Variants in BAHCC1 observed in about 807,000 individuals in gnomAD.
BAHCC1 encodes BAH and coiled-coil domain-containing protein 1.
Under a neutral mutation model 88.2 loss-of-function variants are expected in BAHCC1, and 43 were observed. The ratio of observed to expected loss-of-function variants is 0.49; its 90% CI spans 0.38 to 0.63. The LOEUF is 0.63. Ranked by LOEUF, BAHCC1 falls within the 20% of genes least tolerant of loss-of-function variation. The probability of loss-of-function intolerance (pLI) is 0.00; values close to 1 mark genes in which losing one functional copy is unlikely to be tolerated. For missense variants in BAHCC1, 3,023 were observed against 1,654.8 expected (o/e 1.83, Z -14.34); for synonymous variants, 1,510 against 745.5 (o/e 2.03, Z -16.71).
chr17:81,418,735 G>GTC (rs1555649074), intron 2 of BAHCC1, among the ~76,000 whole-genome samples: 4 of 152,004 alleles, frequency 2.6e-5, no homozygotes. Context: ...GTCTGCCAAG[G>GTC]TGCGCACACC....
At chr17:81,396,916 C>G (rs1481601694) in intron 1 of BAHCC1, 1 of 152,254 alleles carries the variant, frequency 6.6e-6, no homozygotes, top group Admixed American at 6.5e-5. Flanking sequence ...CCCGACCTGG[C>G]GCTGCGGCGC....
Position 81,447,300 on chromosome 17 carries a change from G to A in BAHCC1, c.3428G>A (p.Gly1143Glu), listed in dbSNP as rs1555654763. 1 of 737,748 alleles carries A rather than the reference G, an allele frequency of 1.4e-6. No homozygotes were observed. Among genetic ancestry groups the A allele is most frequent in the Non-Finnish European group, 2.5e-6 (1 of 398,972 alleles). 45.7% of individuals were successfully genotyped at this position (737,748 alleles called of 1,614,324 possible). The change falls in exon 11 of 28, where the codon GGG (glycine) becomes GAG (glutamate). Residue 1143 changes from glycine to glutamate, a missense_variant. By Grantham distance (98) the Gly-to-Glu change is moderately conservative. Coordinates refer to ENST00000675386, the MANE Select transcript of BAHCC1 (RefSeq NM_001377448.1). The stretch of plus-strand genomic sequence containing the variant: ...TACCCTACCGAGCGGGGACCCCAGG[G>A]GAAGGCAGCGGACCCCAGCCCACTA... ...TPYPTERGPQ[G>E]KAADPSPLEG...
Position 81,426,914 on chromosome 17 carries a change from CT to C in BAHCC1, c.294del (p.Glu99SerfsTer39), listed in dbSNP as rs1331438212. On this transcript the variant is annotated frameshift_variant, in exon 3 of 28. Coordinates refer to ENST00000675386, the MANE Select transcript of BAHCC1 (RefSeq NM_001377448.1). LOFTEE classifies it high-confidence loss of function. ...THPSGPSSSP[P>X]EQAYRGSHPT... ...CCCAGCGGCCCCAGCTCCTCCCCCC[CT>C]GAGCAGGCCTACCGTGGCTCCCACC... 1 of 398,846 alleles carries C rather than the reference CT, an allele frequency of 2.5e-6. No homozygotes were observed. Among genetic ancestry groups the C allele is most frequent in the Non-Finnish European group, 4.4e-6 (1 of 226,350 alleles). 24.7% of individuals were successfully genotyped at this position (398,846 alleles called of 1,614,324 possible).
intron 2 of BAHCC1, among the ~76,000 whole-genome samples, chr17:81,419,629 G>A (rs1246464412): frequency 1.3e-5 from 2 of 149,738 alleles, no homozygotes; most frequent in Non-Finnish European, 3.0e-5. Context: ...GGTGTGGGTC[G>A]GGGGTGGGAG....
chr17:81,412,188 G>C lies in BAHCC1; in HGVS notation c.178+12271G>C, dbSNP rs113755978. Among the ~76,000 whole-genome samples, 91 of 152,344 alleles carry C rather than the reference G, an allele frequency of 6.0e-4. No individual in the cohort carries two copies. In the Middle Eastern group the frequency reaches 0.024, roughly 40 times the overall value. ...GCTACCCCATCCGGCCAGCCCTGCC[G>C]TGGGCCCTGGTCACTCCAGGCCAGC... On this transcript the variant is annotated intron_variant, in intron 2 of 27. Transcript: ENST00000675386.
chr17:81,450,005 C>CGT (rs1351716576), intron 11 of BAHCC1, among the ~76,000 whole-genome samples: 1 of 152,140 alleles, frequency 6.6e-6, no homozygotes, highest in Non-Finnish European at 1.5e-5. Flanking sequence ...TTTGTCCCAT[C>CGT]GTGGATGGGG....
In BAHCC1 at chr17:81,434,352, G is replaced by A. The variant is rs184736093; in HGVS notation, c.359-4018G>A. On this transcript the variant is annotated intron_variant, in intron 3 of 27. Coordinates refer to ENST00000675386, the MANE Select transcript of BAHCC1 (RefSeq NM_001377448.1). The surrounding 1 kb of genome is among the most constrained non-coding windows in gnomAD (Gnocchi z 4.9). ...GAGGTGGTACTGCAGTGGGAGACAG[G>A]TCGAGGCTCAGCCGTGGGAGGCCAG... 1.3e-5 allele frequency among the ~76,000 whole-genome samples: 2 copies of A among 152,334 alleles called. No individual in the cohort carries two copies. The highest frequency in any genetic ancestry group is 2.4e-5 in the African/African-American group (1 of 41,582).
intron 14 of BAHCC1, among the ~76,000 whole-genome samples, chr17:81,454,054 T>C (rs2143603836): frequency 6.6e-6 from 1 of 152,330 alleles, no homozygotes; most frequent in Admixed American, 6.5e-5. Flanking sequence ...TTCATTTTCA[T>C]GAGCAGCTGG....
intron 2 of BAHCC1, among the ~76,000 whole-genome samples, chr17:81,424,830 ATGATGTGGTTGGTGACAGG>A (rs1395800790): frequency 3.5e-5 from 5 of 144,470 alleles, no homozygotes; most frequent in Non-Finnish European, 1.5e-5. Context: ...GTTGGTGATG[ATGATGTGGTTGGTGACAGG>A]TGATGTGGTT....
rs1598506056 is a variant in BAHCC1, at chr17:81,455,259, G to T, written c.4446-8G>T. On this transcript the variant is annotated splice_region_variant and splice_polypyrimidine_tract_variant and intron_variant, in intron 14 of 27. Transcript: ENST00000675386. ...ATCTGCCCTGCACCCACCACCCCAT[G>T]CCCCCAGGGCGGTGCGGACAAGCCT... 1.4e-6 allele frequency: 1 copy of T among 714,110 alleles called. No individual in the cohort carries two copies. Among genetic ancestry groups the T allele is most frequent in the Non-Finnish European group, 2.6e-6 (1 of 384,812 alleles). The allele number at this position is 714,110 out of a possible 1,614,324, so 44.2% of individuals were successfully genotyped here.
intron 2 of BAHCC1, among the ~76,000 whole-genome samples, chr17:81,422,469 A>G (rs1424548161): frequency 6.6e-6 from 1 of 152,252 alleles, no homozygotes; most frequent in Non-Finnish European, 1.5e-5. Flanking sequence ...GACTCTGGGC[A>G]CAGACAGCAC....
rs2030131703 is a variant in BAHCC1 at position 81,460,272 on chromosome 17, C to T, written c.5906-5C>T. The T allele has an allele frequency of 1.3e-6, 1 of 763,414 alleles. No individual in the cohort carries two copies. The highest frequency in any genetic ancestry group is 2.4e-6 in the Non-Finnish European group (1 of 410,284). 47.3% of individuals were successfully genotyped at this position (763,414 alleles called of 1,614,324 possible). A position where few individuals can be genotyped will look rare whatever the true frequency, so the allele number is the denominator to read the frequency against. On this transcript the variant is annotated splice_region_variant and splice_polypyrimidine_tract_variant and intron_variant, in intron 23 of 27. Coordinates refer to ENST00000675386, the MANE Select transcript of BAHCC1 (RefSeq NM_001377448.1). Reference sequence around the variant, plus strand: ...CAGCTGCAAGCTCAGGTGTGCCGTCCACAGGGGCCTCCGGTGACGAAGATG... The same window carrying T: ...CAGCTGCAAGCTCAGGTGTGCCGTCTACAGGGGCCTCCGGTGACGAAGATG...
intron 2 of BAHCC1, among the ~76,000 whole-genome samples, chr17:81,417,544 G>C (rs979963646): frequency 8.9e-6 from 1 of 112,164 alleles, no homozygotes; most frequent in Non-Finnish European, 1.7e-5. Flanking sequence ...ACGCCATGGG[G>C]AGCGTCGGCC....
chr17:81,451,452 G>T (rs1401913799), intron 11 of BAHCC1, among the ~76,000 whole-genome samples: 1 of 152,176 alleles, frequency 6.6e-6, no homozygotes, highest in East Asian at 1.9e-4. Context: ...CTCCCAGCTG[G>T]CCCTGCCTTA....
intron 3 of BAHCC1, among the ~76,000 whole-genome samples, chr17:81,431,631 G>A (rs1413949688): frequency 1.4e-4 from 22 of 152,196 alleles, no homozygotes; most frequent in African/African-American, 5.3e-4. Context: ...CTTGAGGTTG[G>A]GCAGGATGAC....
chr17:81,440,875 G>A (rs535214404), intron 4 of BAHCC1, among the ~76,000 whole-genome samples: 3 of 152,300 alleles, frequency 2.0e-5, no homozygotes, highest in African/African-American at 4.8e-5. Context: ...ATGAGAGGCC[G>A]AGGGGCTGGG....
At chr17:81,419,340 C>T (rs111773725) in intron 2 of BAHCC1, among the ~76,000 whole-genome samples, 29 of 152,388 alleles carry the variant, frequency 1.9e-4, no homozygotes, top group African/African-American at 6.7e-4. Context: ...CACCTCCCCT[C>T]TGCATCCACG....
chr17:81,462,477 G>A (rs1314008183), intron 26 of BAHCC1: 1 of 541,614 alleles, frequency 1.8e-6, no homozygotes, highest in Non-Finnish European at 3.3e-6. Flanking sequence ...TGAACGTCTT[G>A]TCCACATGTC....
chr17:81,445,577 T>C lies in BAHCC1; in HGVS notation c.3059T>C (p.Val1020Ala). Reference protein sequence around the residue: ...PRPSAPCTLNVCPASSPGPGS... With the variant: ...PRPSAPCTLNACPASSPGPGS... ...CCCAGCGCCCCGTGCACTTTAAATG[T>C]CTGCCCTGCCAGCAGCCCCGGGCCT... Residue 1020 changes from valine to alanine, a missense_variant, in exon 10 of 28, where the codon GTC (valine) becomes GCC (alanine). Physicochemically the swap from Val to Ala is moderately conservative, Grantham distance 64. Transcript: ENST00000675386. 1 of 724,294 alleles carries C rather than the reference T, an allele frequency of 1.4e-6. No homozygotes were observed. The highest frequency in any genetic ancestry group is 2.7e-5 in the East Asian group (1 of 37,720). The allele number at this position is 724,294 out of a possible 1,614,324, so 44.9% of individuals were successfully genotyped here.
Sources: gnomAD v4.1 joint callset for allele counts (sites outside exome capture counted in the v4.1 genomes callset) on GRCh38, gnomAD v4.1.1 for gene constraint, Gnocchi (gnomAD v3.1) non-coding constraint, MANE v1.5 for transcripts, NCBI Gene and HGNC (gene_info 2026-07-23, HGNC 2026-07-21) for gene names.